COLGALT2: variants seen among roughly 807,000 people sequenced by gnomAD.
COLGALT2 encodes procollagen galactosyltransferase 2.
A neutral mutation model predicts 73.4 loss-of-function variants in COLGALT2; 49 were observed. That is an observed-to-expected ratio of 0.67 (90% CI 0.53 to 0.85). The LOEUF (loss-of-function observed/expected upper bound fraction) is 0.85. COLGALT2 is among the 40% of genes least tolerant of loss of function. The probability of loss-of-function intolerance (pLI) is 0.00; values close to 1 mark genes in which losing one functional copy is unlikely to be tolerated. For missense variants in COLGALT2, 722 were observed against 790.2 expected, an observed-to-expected ratio of 0.91 and a Z score of 1.03; for synonymous variants, 295 against 307.6, an observed-to-expected ratio of 0.96 and a Z score of 0.43.
intron 1 of COLGALT2, among the ~76,000 whole-genome samples, chr1:184,018,923 T>C (rs1315474174): frequency 2.0e-5 from 3 of 152,228 alleles, no homozygotes; most frequent in Admixed American, 6.5e-5. Context: ...GGGTTCATCA[T>C]GGGACCATAC....
chr1:183,954,778 T>C lies in COLGALT2; in HGVS notation c.1013A>G (p.Lys338Arg). Reference protein sequence around the residue: ...YVSVVPKYPDKMGFDEIFMIN... With the variant: ...YVSVVPKYPDRMGFDEIFMIN... ...CTTTCCTACCTCATCAAATCCCATC[T>C]TGTCTGGATATTTAGGGACAACTGA... Residue 338 changes from lysine to arginine, a missense_variant, in exon 7 of 12, where the codon AAG (lysine) becomes AGG (arginine). Lys to Arg is a conservative substitution (Grantham distance 26). Coordinates refer to ENST00000361927, the MANE Select transcript of COLGALT2 (RefSeq NM_015101.4). The C allele has an allele frequency of 6.2e-7, 1 of 1,612,908 alleles. No individual in the cohort carries two copies. The highest frequency in any genetic ancestry group is 8.5e-7 in the Non-Finnish European group (1 of 1,179,062).
At chr1:184,025,040 A>G (rs530666726) in intron 1 of COLGALT2, among the ~76,000 whole-genome samples, 3 of 152,230 alleles carry the variant, frequency 2.0e-5, no homozygotes, top group African/African-American at 7.2e-5. Flanking sequence ...TTTCCACTTT[A>G]GACAAACACC....
chr1:183,995,088 AT>A (rs1238982489), intron 1 of COLGALT2, among the ~76,000 whole-genome samples: 1 of 152,206 alleles, frequency 6.6e-6, no homozygotes, highest in Non-Finnish European at 1.5e-5. Context: ...AAGAATAAAC[AT>A]TAGAAAAAAA....
rs554902613 is a variant in COLGALT2 at position 183,993,480 on chromosome 1, G to T, written c.264-14960C>A. Among the ~76,000 whole-genome samples the T allele has an allele frequency of 1.6e-4, 24 of 152,278 alleles. 1 individual carries two copies. Among genetic ancestry groups the T allele is most frequent in the African/African-American group, 5.5e-4 (23 of 41,562 alleles). On this transcript the variant is annotated intron_variant, in intron 1 of 11. Transcript: ENST00000361927. ...AATTAGAAATCCAGCAAGAGGATTT[G>T]GTATGCACCATTATAAACAGAGTCC...
chr1:183,994,908 G>A (rs1253371924), intron 1 of COLGALT2, among the ~76,000 whole-genome samples: 1 of 152,126 alleles, frequency 6.6e-6, no homozygotes, highest in Non-Finnish European at 1.5e-5. Flanking sequence ...AAAGCCAAAT[G>A]TATTTGACTA....
rs1558306538 is a variant in COLGALT2 at position 183,938,211 on chromosome 1, A to ATTT, written c.*549_*550insAAA. On this transcript the variant is annotated 3_prime_UTR_variant, in exon 12 of 12. Transcript: ENST00000361927. ...CAGGGACTAAGATTTTTTTTTTTTA[A>ATTT]AAAATCTACTTTTCAATAAGACTTG... The ATTT allele has an allele frequency of 2.5e-6, 2 of 814,590 alleles. No individual in the cohort carries two copies. The highest frequency in any genetic ancestry group is 4.7e-5 in the African/African-American group (2 of 42,312). The allele number at this position is 814,590 out of a possible 1,614,324, so 50.5% of individuals were successfully genotyped here. A position where few individuals can be genotyped will look rare whatever the true frequency, so the allele number is the denominator to read the frequency against.
At chr1:183,975,410 A>G (rs543758050) in intron 2 of COLGALT2, among the ~76,000 whole-genome samples, 196 bp from the exon 3 acceptor site, 2 of 152,336 alleles carry the variant, frequency 1.3e-5, no homozygotes, top group East Asian at 1.9e-4. Context: ...CTCATTGTAT[A>G]CAAGAATCTT....
intron 1 of COLGALT2, among the ~76,000 whole-genome samples, chr1:184,030,923 G>A (rs1163499619): frequency 1.3e-5 from 2 of 152,178 alleles, no homozygotes; most frequent in Non-Finnish European, 2.9e-5. Flanking sequence ...CTGTGCTTTA[G>A]ATGCCTCATC....
At chr1:183,968,781 G>A (rs878867489) in intron 5 of COLGALT2, among the ~76,000 whole-genome samples, 15 of 152,292 alleles carry the variant, frequency 9.8e-5, no homozygotes, top group African/African-American at 3.6e-4. Context: ...GCAGTACCTC[G>A]TGGAGTGTGA....
At chr1:183,992,954 A>C (rs542490773) in intron 1 of COLGALT2, among the ~76,000 whole-genome samples, 2 of 152,318 alleles carry the variant, frequency 1.3e-5, no homozygotes, top group African/African-American at 4.8e-5. Context: ...CCATGAGGGC[A>C]GGGATATGTC....
rs771477210 is a variant in COLGALT2, at chr1:183,945,390, C to T, written c.1269+42G>A. On this transcript the variant is annotated intron_variant, in intron 9 of 11. Coordinates refer to ENST00000361927, the MANE Select transcript of COLGALT2 (RefSeq NM_015101.4). ...CACCTACGATAGCCTGCTTTCCTTT[C>T]TCCTCATCATAAAACTGCAATCTGA... 6 of 1,604,426 alleles carry T rather than the reference C, an allele frequency of 3.7e-6. No homozygotes were observed. The South Asian group carries it at 6.7e-5, about 18-fold the overall frequency.
At chr1:183,985,786 T>C (rs1288753748) in intron 1 of COLGALT2, among the ~76,000 whole-genome samples, 1 of 152,142 alleles carries the variant, frequency 6.6e-6, no homozygotes, top group Non-Finnish European at 1.5e-5. Flanking sequence ...CTCAAGGGAA[T>C]GGCAGTGGAA....
At chr1:183,992,128 T>A (rs1382747142) in intron 1 of COLGALT2, among the ~76,000 whole-genome samples, 1 of 152,208 alleles carries the variant, frequency 6.6e-6, no homozygotes, top group Non-Finnish European at 1.5e-5. Context: ...CATTTAATCC[T>A]CACAGCAACC....
intron 6 of COLGALT2, among the ~76,000 whole-genome samples, chr1:183,956,749 A>T (rs1320830346): frequency 6.6e-6 from 1 of 152,214 alleles, no homozygotes; most frequent in Admixed American, 6.5e-5. Context: ...GCAAAAAAAA[A>T]GCCACAAGTG....
intron 6 of COLGALT2, among the ~76,000 whole-genome samples, chr1:183,961,838 C>T (rs1200659551): frequency 5.9e-5 from 9 of 152,104 alleles, no homozygotes; most frequent in East Asian, 1.9e-4. Flanking sequence ...GGGCCTAGAA[C>T]ATAGGGAAAG....
downstream of COLGALT2, among the ~76,000 whole-genome samples, chr1:183,931,069 A>G (rs563354706): frequency 6.6e-6 from 1 of 152,248 alleles, no homozygotes; most frequent in African/African-American, 2.4e-5. Flanking sequence ...CTTACAAATC[A>G]TGTAGTCAGT....
At chr1:184,013,521 C>T (rs927211025) in intron 1 of COLGALT2, among the ~76,000 whole-genome samples, 2 of 152,060 alleles carry the variant, frequency 1.3e-5, no homozygotes, top group African/African-American at 4.8e-5. Context: ...AGAGTTGTGG[C>T]CCTGTGGAAG....
At chr1:183,992,507 T>C (rs1381582204) in intron 1 of COLGALT2, among the ~76,000 whole-genome samples, 2 of 152,214 alleles carry the variant, frequency 1.3e-5, no homozygotes, top group Non-Finnish European at 2.9e-5. Flanking sequence ...CTCAGAAATA[T>C]AGTCAATGAA....
chr1:183,960,946 C>T (rs1670682685), intron 6 of COLGALT2, among the ~76,000 whole-genome samples: 1 of 152,160 alleles, frequency 6.6e-6, no homozygotes, highest in Admixed American at 6.5e-5. Context: ...TTATTGGGTT[C>T]TAGGCACTAT....
Sources: gnomAD v4.1 joint callset for allele counts (sites outside exome capture counted in the v4.1 genomes callset) on GRCh38, gnomAD v4.1.1 for gene constraint, MANE v1.5 for transcripts, NCBI Gene and HGNC (gene_info 2026-07-23, HGNC 2026-07-21) for gene names.